Variants in MSN observed in about 807,000 individuals in gnomAD.
MSN encodes moesin, also known as epididymis luminal protein 70.
MSN carries 2 observed loss-of-function variants against 48.0 expected under a neutral mutation model. The ratio of observed to expected loss-of-function variants is 0.04; its 90% CI spans 0.02 to 0.13. The LOEUF is 0.13. Among genes scored for constraint, MSN ranks in the 10% least tolerant of loss-of-function variants. The pLI, the probability that MSN is intolerant of heterozygous loss-of-function variation, is 1.00. For synonymous variants in MSN, 146 were observed against 166.9 expected, an observed-to-expected ratio of 0.87 and a Z score of 0.97; for missense variants, 267 against 470.1, an observed-to-expected ratio of 0.57 and a Z score of 3.99.
At position 65,694,703 on chromosome X, in the gene MSN, T is replaced by C. The variant is rs1204877506; in HGVS notation, c.13-22115T>C. On this transcript the variant is annotated intron_variant, in intron 1 of 12. Coordinates refer to ENST00000360270, the MANE Select transcript of MSN (RefSeq NM_002444.3). ...TGATGCCAATGACTGGCCTAGTTTG[T>C]GGTGAAACCCATCGTGCCTTCTGCT... 1.5e-4 allele frequency among the ~76,000 whole-genome samples: 17 copies of C among 112,265 alleles called. No homozygotes were observed. The Admixed American group carries it at 1.6e-3, about 11-fold the overall frequency.
At chrX:65,599,943 G>A (rs2070220336) in intron 1 of MSN, among the ~76,000 whole-genome samples, 1 of 109,878 alleles carries the variant, frequency 9.1e-6, no homozygotes, top group African/African-American at 3.3e-5. Context: ...CCCTATGGAG[G>A]ATGGATTGGA....
At chrX:65,656,275 G>C (rs1167243669) in intron 1 of MSN, among the ~76,000 whole-genome samples, 1 of 107,741 alleles carries the variant, frequency 9.3e-6, no homozygotes, top group African/African-American at 3.5e-5. Context: ...CTGTGTGTGT[G>C]TGTGTGTGTG....
At chrX:65,663,919 G>C (rs1233277634), upstream of MSN, among the ~76,000 whole-genome samples, 3 of 109,391 alleles carry the variant, frequency 2.7e-5, no homozygotes, top group African/African-American at 6.7e-5. Flanking sequence ...AATTAGCCGG[G>C]CATGGTGGCG....
At chrX:65,602,031 T>C (rs5964446) in intron 1 of MSN, among the ~76,000 whole-genome samples, 10,999 of 111,600 alleles carry the variant, frequency 0.099, 1,334 homozygotes, top group African/African-American at 0.34. Flanking sequence ...CTGAGCGTTC[T>C]ACAGCTCCAT....
chrX:65,720,294 ACT>A (rs2071504484), intron 2 of MSN, among the ~76,000 whole-genome samples: 1 of 111,445 alleles, frequency 9.0e-6, no homozygotes, highest in Non-Finnish European at 1.9e-5. Context: ...GCACTGCACT[ACT>A]CTGTTTGGGG....
At chrX:65,686,712 G>T (rs1295042798) in intron 1 of MSN, among the ~76,000 whole-genome samples, 3 of 111,892 alleles carry the variant, frequency 2.7e-5, no homozygotes, top group Non-Finnish European at 5.6e-5. Flanking sequence ...TTCTCCCGTT[G>T]GTAAAGTGGG....
At chrX:65,624,815 GAAAA>G (rs2070489867) in intron 1 of MSN, 1 of 88,680 alleles carries the variant, frequency 1.1e-5, no homozygotes, top group Non-Finnish European at 2.3e-5. Flanking sequence ...AGAAAGAAAA[GAAAA>G]GAAAGAAGAA....
chrX:65,627,193 G>A (rs759505282), intron 1 of MSN, among the ~76,000 whole-genome samples: 1 of 106,917 alleles, frequency 9.4e-6, no homozygotes, highest in East Asian at 2.8e-4. Context: ...CTGCCATTTT[G>A]CTGCATGGTC....
At chrX:65,598,567 A>G (rs1191637975) in intron 1 of MSN, among the ~76,000 whole-genome samples, 2 of 111,788 alleles carry the variant, frequency 1.8e-5, no homozygotes, top group Non-Finnish European at 3.8e-5. Context: ...TAGAAGTGAA[A>G]GAACCCTTGA....
intron 1 of MSN, among the ~76,000 whole-genome samples, chrX:65,601,855 G>A (rs923351876): frequency 8.9e-6 from 1 of 112,184 alleles, no homozygotes; most frequent in Non-Finnish European, 1.9e-5. Flanking sequence ...TATGAAGAGG[G>A]ACTCATTGCC....
At chrX:65,652,589 T>C (rs915203015) in intron 1 of MSN, among the ~76,000 whole-genome samples, 5 of 111,612 alleles carry the variant, frequency 4.5e-5, no homozygotes, top group Admixed American at 1.9e-4. Flanking sequence ...GCCCCTGTAA[T>C]TTTTTCTCCC....
chrX:65,602,849 T>C (rs762042072), intron 1 of MSN, among the ~76,000 whole-genome samples: 6 of 112,183 alleles, frequency 5.3e-5, no homozygotes, highest in Non-Finnish European at 1.1e-4. Flanking sequence ...GTCATGTTCA[T>C]TTCTATCTCA....
intron 1 of MSN, among the ~76,000 whole-genome samples, chrX:65,629,033 G>A (rs1383265461): frequency 9.5e-6 from 1 of 105,356 alleles, no homozygotes; most frequent in Non-Finnish European, 1.9e-5. Flanking sequence ...TCATGCCACT[G>A]CACTCCAGCC....
At chrX:65,732,366 A>G (rs947628283) in intron 6 of MSN, among the ~76,000 whole-genome samples, 9 of 112,756 alleles carry the variant, frequency 8.0e-5, no homozygotes, top group Non-Finnish European at 1.7e-4. Flanking sequence ...TTTTAGATAT[A>G]TTGGGTTAAC....
intron 1 of MSN, among the ~76,000 whole-genome samples, chrX:65,594,316 A>T (rs963538184): frequency 2.7e-5 from 3 of 110,826 alleles, no homozygotes; most frequent in Non-Finnish European, 3.8e-5. Context: ...ATCTTTGTCA[A>T]CTCATTAGCA....
chrX:65,677,665 G>A (rs1343452554), intron 1 of MSN, among the ~76,000 whole-genome samples: 4 of 110,576 alleles, frequency 3.6e-5, no homozygotes, highest in Admixed American at 9.6e-5. Flanking sequence ...GGCTGAGGCA[G>A]GAGAATCACT....
At position 65,736,908 on chromosome X, in the gene MSN, C is replaced by T; in HGVS notation, c.1073C>T (p.Thr358Ile). The T allele has an allele frequency of 2.5e-6, 3 of 1,206,990 alleles. No individual in the cohort carries two copies. The highest frequency in any genetic ancestry group is 3.4e-6 in the Non-Finnish European group (3 of 893,007). The change falls in exon 9 of 13, where the codon ACT (threonine) becomes ATT (isoleucine). Residue 358 changes from threonine (T) to isoleucine (I), a missense_variant. By Grantham distance (89) the Thr-to-Ile change is moderately conservative. This residue lies in a region of MSN where 70 missense variants were observed against 76.3 expected (regional missense o/e 0.92). Transcript: ENST00000360270. ...AGGCTGAAGCAGATCGAGGAACAGA[C>T]TAAGAAGGCTCAGCAAGGTGAGGCT... The part of the protein sequence containing the change: ...MERLKQIEEQ[T>I]KKAQQELEEQ...
At chrX:65,691,433 T>C (rs1042261992) in intron 1 of MSN, among the ~76,000 whole-genome samples, 1 of 112,171 alleles carries the variant, frequency 8.9e-6, no homozygotes, top group Non-Finnish European at 1.9e-5. Context: ...AATCCACCTA[T>C]AATTCTTAGC....
At chrX:65,702,414 G>C (rs1469477224) in intron 1 of MSN, among the ~76,000 whole-genome samples, 1 of 105,854 alleles carries the variant, frequency 9.4e-6, no homozygotes. Flanking sequence ...GCCTGTAATC[G>C]CAGCACTTTG....
Sources: gnomAD v4.1 joint callset for allele counts (sites outside exome capture counted in the v4.1 genomes callset) on GRCh38, gnomAD v4.1.1 for gene constraint, gnomAD v4.1.1 regional missense constraint, MANE v1.5 for transcripts, NCBI Gene and HGNC (gene_info 2026-07-23, HGNC 2026-07-21) for gene names.